Variants in CEP350 observed in about 807,000 individuals in gnomAD.
CEP350 encodes centrosomal protein 350.
CEP350 carries 126 observed loss-of-function variants against 331.8 expected under a neutral mutation model. The observed-to-expected ratio is 0.38, with a 90% confidence interval of 0.33 to 0.44. The LOEUF is 0.44. Ranked by LOEUF, CEP350 falls within the 20% of genes least tolerant of loss-of-function variation. CEP350 has a pLI of 1.00. For missense variants in CEP350, 3,406 were observed against 3,634.6 expected (o/e 0.94, Z 1.62); for synonymous variants, 1,200 against 1,259.5 (o/e 0.95, Z 1.00).
intron 11 of CEP350, among the ~76,000 whole-genome samples, chr1:180,016,511 A>G (rs1334387787): frequency 6.6e-6 from 1 of 152,230 alleles, no homozygotes; most frequent in Non-Finnish European, 1.5e-5. Flanking sequence ...TAAACAAAAA[A>G]ACTGTGAGTT....
At chr1:180,058,692 ACTTTTT>A (rs977051467) in intron 25 of CEP350, among the ~76,000 whole-genome samples, 3 of 152,190 alleles carry the variant, frequency 2.0e-5, no homozygotes, top group African/African-American at 4.8e-5. Flanking sequence ...ATGAGTGACT[ACTTTTT>A]CTTTTTGTAA....
intron 15 of CEP350, among the ~76,000 whole-genome samples, chr1:180,032,781 C>A (rs1656106453): frequency 6.6e-6 from 1 of 152,038 alleles, no homozygotes; most frequent in Non-Finnish European, 1.5e-5. Context: ...AATATAAATT[C>A]ATCTTATAAA....
Position 180,048,553 on chromosome 1 carries a change from G to T in CEP350, c.4640G>T (p.Ser1547Ile). The T allele has an allele frequency of 4.4e-6, 7 of 1,604,766 alleles. No homozygotes were observed. Among genetic ancestry groups the T allele is most frequent in the Non-Finnish European group, 6.0e-6 (7 of 1,174,950 alleles). The change falls in exon 22 of 38, where the codon AGC becomes ATC. Residue 1547 changes from serine to isoleucine, a missense_variant. Physicochemically the swap from Ser to Ile is moderately radical, Grantham distance 142. Transcript: ENST00000367607. Reference sequence around the variant, plus strand: ...ATAAAAAGAAGTAGCAGTGGTAGCAGCCGCCAAGAAAGTCCTTCAGTTCCA... The same window carrying T: ...ATAAAAAGAAGTAGCAGTGGTAGCATCCGCCAAGAAAGTCCTTCAGTTCCA... ...NHDRRSSSGS[S>I]RQESPSVPSC... is the part of the protein sequence containing the mutation.
chr1:180,084,354 A>T, intron 31 of CEP350, 176 bp downstream of exon 31: 1 of 480,228 alleles, frequency 2.1e-6, no homozygotes, highest in Non-Finnish European at 3.5e-6. Flanking sequence ...TGCTTAAAAC[A>T]TTAAATTTTA....
intron 27 of CEP350, among the ~76,000 whole-genome samples, chr1:180,069,351 G>A (rs529828509): frequency 3.9e-5 from 6 of 152,046 alleles, no homozygotes; most frequent in African/African-American, 1.4e-4. Flanking sequence ...GATCAATGTC[G>A]AAATCTTCAC....
At chr1:179,992,644 C>A (rs1217844829) in intron 5 of CEP350, among the ~76,000 whole-genome samples, 1 of 151,674 alleles carries the variant, frequency 6.6e-6, no homozygotes, top group Non-Finnish European at 1.5e-5. Context: ...CATAAAATTC[C>A]TATCTTATTG....
At chr1:180,007,686 A>G (rs770045104) in intron 8 of CEP350, among the ~76,000 whole-genome samples, 2 of 152,044 alleles carry the variant, frequency 1.3e-5, no homozygotes, top group African/African-American at 4.8e-5. Context: ...GCCCGTGCCT[A>G]TGTCCTGAAT....
chr1:180,004,955 C>CTTTCTTTCTTT (rs1558093320), intron 7 of CEP350, among the ~76,000 whole-genome samples: 2 of 72,650 alleles, frequency 2.8e-5, no homozygotes, highest in Non-Finnish European at 6.9e-5. Context: ...TTCTTTCTTT[C>CTTTCTTTCTTT]CCCTCTCTCT....
rs563181276 is a variant in CEP350 at position 180,084,015 on chromosome 1, C to G, written c.6125-3C>G. 4.1e-6 allele frequency: 6 copies of G among 1,471,858 alleles called. No homozygotes were observed. The highest frequency in any genetic ancestry group is 5.4e-6 in the Non-Finnish European group (6 of 1,101,296). 91.2% of individuals were successfully genotyped at this position (1,471,858 alleles called of 1,614,324 possible). A position where few individuals can be genotyped will look rare whatever the true frequency, so the allele number is the denominator to read the frequency against. ...TAAATAAAAGATTTTGTATCTCTTT[C>G]AGAAACTACATCTGACCAGAGTGAT... On this transcript the variant is annotated splice_polypyrimidine_tract_variant and splice_region_variant and intron_variant, in intron 30 of 37. Coordinates refer to ENST00000367607, the MANE Select transcript of CEP350 (RefSeq NM_014810.5).
intron 4 of CEP350, among the ~76,000 whole-genome samples, chr1:179,991,159 T>G (rs1374043420): frequency 2.6e-5 from 4 of 151,958 alleles, no homozygotes; most frequent in African/African-American, 7.2e-5. Flanking sequence ...TATATAGCAC[T>G]TTGGAAATGA....
intron 1 of CEP350, among the ~76,000 whole-genome samples, chr1:179,985,608 C>A (rs1230546662): frequency 6.6e-6 from 1 of 152,088 alleles, no homozygotes; most frequent in Non-Finnish European, 1.5e-5. Flanking sequence ...GCTGGGGAGG[C>A]CTCAGGAAAC....
intron 25 of CEP350, among the ~76,000 whole-genome samples, chr1:180,055,969 T>C (rs1196994937): frequency 1.3e-5 from 2 of 152,152 alleles, no homozygotes; most frequent in Non-Finnish European, 2.9e-5. Context: ...ACAATAGCTT[T>C]CTGTTATAAA....
intron 14 of CEP350, among the ~76,000 whole-genome samples, chr1:180,030,024 C>T (rs1386582859): frequency 6.6e-6 from 1 of 151,886 alleles, no homozygotes. Flanking sequence ...ATAATATTCC[C>T]GTGTATGTAT....
chr1:180,019,127 G>T (rs563636343), intron 11 of CEP350, among the ~76,000 whole-genome samples: 1 of 152,300 alleles, frequency 6.6e-6, no homozygotes, highest in African/African-American at 2.4e-5. Context: ...AAAGTGCTGG[G>T]ATTACAGGCA....
chr1:180,103,447 C>G (rs571099987), intron 37 of CEP350, among the ~76,000 whole-genome samples: 2 of 152,216 alleles, frequency 1.3e-5, no homozygotes, highest in East Asian at 3.9e-4. Flanking sequence ...CCAAGGACTT[C>G]CTTACCCTAT....
At chr1:179,972,796 T>G (rs1256482376) in intron 1 of CEP350, among the ~76,000 whole-genome samples, 3 of 152,134 alleles carry the variant, frequency 2.0e-5, no homozygotes, top group African/African-American at 7.2e-5. Flanking sequence ...TGAGAGTTAT[T>G]CAGAAATGGG....
Position 180,078,659 on chromosome 1 carries a change from C to T in CEP350, c.5964C>T (p.Thr1988=). ...GTTCACAGGAACTAGAATCTTCTAC[C>T]TCTCCTAGTAAACATGTAAGTTAAT... ...MICSQELESS[T]SPSKHSLPKS... Residue 1988 remains threonine, a synonymous_variant, in exon 29 of 38, where the codon ACC becomes ACT. Transcript: ENST00000367607. 2 of 1,605,920 alleles carry T rather than the reference C, an allele frequency of 1.2e-6. No individual in the cohort carries two copies. The highest frequency in any genetic ancestry group is 1.7e-6 in the Non-Finnish European group (2 of 1,175,800).
chr1:180,061,043 A>G (rs1164113116), intron 25 of CEP350, among the ~76,000 whole-genome samples: 2 of 152,166 alleles, frequency 1.3e-5, no homozygotes, highest in Admixed American at 1.3e-4. Context: ...AATATTAACA[A>G]TTGTTAACTT....
rs376710656 is a variant in CEP350, at chr1:180,014,294, A to T, written c.1841A>T (p.Glu614Val). ...QEERKRKQNE[E>V]KKAQKEATEQ... ...GAAAGGAAGAGAAAGCAAAATGAAG[A>T]GAAGAAGGCTCAAAAGGAGGCTACA... is the stretch of plus-strand genomic sequence containing the variant. Residue 614 changes from glutamate (E) to valine (V), a missense_variant, in exon 10 of 38, where the codon GAG becomes GTG. Physicochemically the swap from Glu to Val is moderately radical, Grantham distance 121 (BLOSUM62 -2). Transcript: ENST00000367607. 1.9e-6 allele frequency: 3 copies of T among 1,597,196 alleles called. No homozygotes were observed. The African/African-American group carries it at 4.0e-5, about 21-fold the overall frequency.
Sources: gnomAD v4.1 joint callset for allele counts (sites outside exome capture counted in the v4.1 genomes callset) on GRCh38, gnomAD v4.1.1 for gene constraint, MANE v1.5 for transcripts, NCBI Gene and HGNC (gene_info 2026-07-23, HGNC 2026-07-21) for gene names.